The following LRCH3 variants were observed in gnomAD, a reference collection of about 807,000 sequenced individuals.
The protein encoded by LRCH3 is leucine rich repeats and calponin homology domain containing 3, also known as DISP complex protein LRCH3.
A neutral mutation model predicts 104.5 loss-of-function variants in LRCH3; 68 were observed. That is an observed-to-expected ratio of 0.65 (90% CI 0.54 to 0.80). The LOEUF is 0.80. LRCH3 is among the 30% of genes least tolerant of loss of function. The pLI is 0.00. For synonymous variants in LRCH3, 344 were observed against 361.3 expected (o/e 0.95, Z 0.54); for missense variants, 951 against 953.9 (o/e 1.00, Z 0.04).
In LRCH3 at chr3:197,824,636, G is replaced by A. The variant is rs145734081; in HGVS notation, c.641-2242G>A. Among the ~76,000 whole-genome samples, 5 of 148,698 alleles carry A rather than the reference G, an allele frequency of 3.4e-5. No individual in the cohort carries two copies. The East Asian group carries it at 6.1e-4, about 18-fold the overall frequency. Reference sequence around the variant, plus strand: ...GGCTGGAGTACAGTGGCGCGATCTCGGCTCACGGTAACCTCTGCCCCCCCG... The same window carrying A: ...GGCTGGAGTACAGTGGCGCGATCTCAGCTCACGGTAACCTCTGCCCCCCCG... On this transcript the variant is annotated intron_variant, in intron 4 of 20. Transcript: ENST00000425562.
intron 12 of LRCH3, chr3:197,850,502 C>T: frequency 6.3e-7 from 1 of 1,591,374 alleles, no homozygotes; most frequent in African/African-American, 1.3e-5. Flanking sequence ...GTTCCTTTTC[C>T]ATAAGGATCA....
chr3:197,850,465 C>T (rs1223351969), intron 12 of LRCH3: 15 of 1,587,908 alleles, frequency 9.4e-6, no homozygotes, highest in Non-Finnish European at 1.3e-5. Context: ...TTCTGGGCAA[C>T]CTCCTCTTCT....
chr3:197,842,343 G>A (rs1026756963), intron 10 of LRCH3, among the ~76,000 whole-genome samples: 13 of 152,302 alleles, frequency 8.5e-5, no homozygotes, highest in African/African-American at 3.1e-4. Context: ...CGCACTCCTG[G>A]AGCTTACATT....
chr3:197,795,014 GA>G (rs930849805), intron 1 of LRCH3, among the ~76,000 whole-genome samples: 119 of 150,088 alleles, frequency 7.9e-4, no homozygotes, highest in African/African-American at 2.5e-3. Flanking sequence ...AAAAAAAAAA[GA>G]AAAAAAAATA....
chr3:197,838,716 C>CAAGA (rs1430111356), intron 9 of LRCH3, among the ~76,000 whole-genome samples: 1 of 152,080 alleles, frequency 6.6e-6, no homozygotes, highest in Non-Finnish European at 1.5e-5. Context: ...TGACGTTTTA[C>CAAGA]TCTTTGGTTT....
At chr3:197,795,129 A>G (rs906274268) in intron 1 of LRCH3, among the ~76,000 whole-genome samples, 4 of 152,208 alleles carry the variant, frequency 2.6e-5, no homozygotes, top group Non-Finnish European at 5.9e-5. Context: ...TGAAGCAGAA[A>G]GGATATAACT....
intron 2 of LRCH3, among the ~76,000 whole-genome samples, chr3:197,816,236 C>T (rs368802166): frequency 4.6e-4 from 70 of 151,956 alleles, no homozygotes; most frequent in Admixed American, 6.6e-5. Context: ...AATTTACATA[C>T]GTAAAGATCT....
chr3:197,844,622 TG>T (rs1738327747), intron 10 of LRCH3, among the ~76,000 whole-genome samples: 1 of 141,542 alleles, frequency 7.1e-6, no homozygotes, highest in Non-Finnish European at 1.6e-5. Context: ...ATAGGTTTTT[TG>T]TTTTTTTTTT....
At chr3:197,845,283 C>T (rs556100280) in intron 10 of LRCH3, among the ~76,000 whole-genome samples, 1 of 151,746 alleles carries the variant, frequency 6.6e-6, no homozygotes, top group South Asian at 2.1e-4. Context: ...TGGTGGTGCA[C>T]ACCTGTAGTT....
chr3:197,840,379 C>A (rs977280881), intron 10 of LRCH3, among the ~76,000 whole-genome samples: 14 of 152,218 alleles, frequency 9.2e-5, no homozygotes, highest in African/African-American at 3.1e-4. Context: ...ATCGCTTGAA[C>A]CCAGGAGGCG....
intron 1 of LRCH3, among the ~76,000 whole-genome samples, chr3:197,812,481 AT>A (rs1407748262): frequency 1.0e-5 from 1 of 99,486 alleles, no homozygotes; most frequent in African/African-American, 3.8e-5. Flanking sequence ...GCCTACAAAT[AT>A]CTGTTCAAGT....
In LRCH3 at chr3:197,888,195, T is replaced by C. The variant is rs1466243826; in HGVS notation, c.*4529T>C. The C allele has an allele frequency of 1.3e-5, 2 of 152,268 alleles. No homozygotes were observed. The highest frequency in any genetic ancestry group is 3.8e-4 in the East Asian group (2 of 5,204). The allele number at this position is 152,268 out of a possible 1,614,324, so 9.4% of individuals were successfully genotyped here. A position where few individuals can be genotyped will look rare whatever the true frequency, so the allele number is the denominator to read the frequency against. ...AAACATGGATATTTAGAAGCCTTTC[T>C]ATATACACAGTGCAGTTGAGATGGT... On this transcript the variant is annotated 3_prime_UTR_variant, in exon 21 of 21. Transcript: ENST00000425562.
At chr3:197,834,073 G>C (rs1330762337) in intron 8 of LRCH3, among the ~76,000 whole-genome samples, 1 of 152,110 alleles carries the variant, frequency 6.6e-6, no homozygotes, top group Non-Finnish European at 1.5e-5. Flanking sequence ...TGAGAAATAG[G>C]CTTCCCCAAG....
rs60372487 is a variant in LRCH3, at chr3:197,877,547, C to T, written c.2208+1772C>T. ...CATGGCAGTGATTCTCTTTACCCAA[C>T]TCACCGCACCCATGACAGTGATTCT... On this transcript the variant is annotated intron_variant, in intron 20 of 20. Coordinates refer to ENST00000425562, the MANE Select transcript of LRCH3 (RefSeq NM_001365715.1). Among the ~76,000 whole-genome samples, 39 of 82,774 alleles carry T rather than the reference C, an allele frequency of 4.7e-4. 1 individual carries two copies. Among genetic ancestry groups the T allele is most frequent in the African/African-American group, 2.6e-3 (32 of 12,200 alleles). The allele number at this position is 82,774 out of a possible 152,430, so 54.3% of individuals were successfully genotyped here. A position where few individuals can be genotyped will look rare whatever the true frequency, so the allele number is the denominator to read the frequency against.
intron 10 of LRCH3, among the ~76,000 whole-genome samples, chr3:197,841,120 G>T (rs116099540): frequency 1.6e-3 from 251 of 152,348 alleles, no homozygotes; most frequent in African/African-American, 5.4e-3. Context: ...GGAGGATAGA[G>T]CCTGGGCAGG....
Position 197,886,114 on chromosome 3 carries a change from G to A in LRCH3, c.*2448G>A, listed in dbSNP as rs1251061084. On this transcript the variant is annotated 3_prime_UTR_variant, in exon 21 of 21. Coordinates refer to ENST00000425562, the MANE Select transcript of LRCH3 (RefSeq NM_001365715.1). Reference sequence around the variant, plus strand: ...AGCACTTTGGGAGGCCGAGGCAAGAGGATCACTTGAGCCCAGGAGTTTGAG... The same window carrying A: ...AGCACTTTGGGAGGCCGAGGCAAGAAGATCACTTGAGCCCAGGAGTTTGAG... 1.3e-5 allele frequency: 2 copies of A among 151,810 alleles called. No homozygotes were observed. Among genetic ancestry groups the A allele is most frequent in the Non-Finnish European group, 2.9e-5 (2 of 68,084 alleles). The allele number at this position is 151,810 out of a possible 1,614,324, so 9.4% of individuals were successfully genotyped here.
chr3:197,863,081 T>C (rs1313212882), intron 15 of LRCH3, among the ~76,000 whole-genome samples: 1 of 152,192 alleles, frequency 6.6e-6, no homozygotes, highest in African/African-American at 2.4e-5. Context: ...GTTCTGAAAA[T>C]ATTGAAACCA....
At chr3:197,851,734 A>G (rs921032197) in intron 12 of LRCH3, among the ~76,000 whole-genome samples, 3 of 152,222 alleles carry the variant, frequency 2.0e-5, no homozygotes, top group Non-Finnish European at 4.4e-5. Flanking sequence ...CCCTATTACT[A>G]TAATAAAATG....
chr3:197,808,966 T>A (rs1732807752), intron 1 of LRCH3, among the ~76,000 whole-genome samples: 1 of 151,946 alleles, frequency 6.6e-6, no homozygotes, highest in African/African-American at 2.4e-5. Context: ...TGAAATCTAC[T>A]GTCATTTCAA....
Sources: gnomAD v4.1 joint callset for allele counts (sites outside exome capture counted in the v4.1 genomes callset) on GRCh38, gnomAD v4.1.1 for gene constraint, MANE v1.5 for transcripts, NCBI Gene and HGNC (gene_info 2026-07-23, HGNC 2026-07-21) for gene names.